MTA1: variants seen among roughly 807,000 people sequenced by gnomAD.
MTA1 encodes the protein metastasis-associated protein MTA1.
MTA1 carries 15 observed loss-of-function variants against 97.0 expected under a neutral mutation model. The observed-to-expected ratio is 0.15, with a 90% confidence interval of 0.10 to 0.24. MTA1 has a LOEUF of 0.24. Among genes scored for constraint, MTA1 ranks in the 10% least tolerant of loss-of-function variants. The probability of loss-of-function intolerance (pLI) is 1.00; values close to 1 mark genes in which losing one functional copy is unlikely to be tolerated. For missense variants in MTA1, 709 were observed against 1,015.1 expected, an observed-to-expected ratio of 0.70 and a Z score of 4.10; for synonymous variants, 435 against 417.5, an observed-to-expected ratio of 1.04 and a Z score of -0.51.
chr14:105,422,153 C>T lies in MTA1; in HGVS notation c.28+2090C>T, dbSNP rs1370534774. Among the ~76,000 whole-genome samples the T allele has an allele frequency of 5.9e-5, 9 of 152,192 alleles. No individual in the cohort carries two copies. The highest frequency in any genetic ancestry group is 1.2e-4 in the African/African-American group (5 of 41,454). ...TGCCCGCCCCGAGGACTTCCTCTCC[C>T]TGCAGGTGAGACTGTAGGCCTCCCC... On this transcript the variant is annotated intron_variant, in intron 1 of 20. Coordinates refer to ENST00000331320, the MANE Select transcript of MTA1 (RefSeq NM_004689.4). The surrounding 1 kb of genome is among the most constrained non-coding windows in gnomAD (Gnocchi z 4.3).
chr14:105,469,014 C>T (rs782063949), intron 18 of MTA1: 12 of 356,180 alleles, frequency 3.4e-5, no homozygotes, highest in Non-Finnish European at 5.1e-5. Flanking sequence ...TGTTTCTGGC[C>T]GGGGCTGGCG....
chr14:105,437,196 C>T (rs1185356774), intron 1 of MTA1, among the ~76,000 whole-genome samples: 5 of 152,242 alleles, frequency 3.3e-5, no homozygotes, highest in Admixed American at 6.5e-5. Context: ...CAAACAGGTG[C>T]GTCCTCCCAG....
intron 1 of MTA1, among the ~76,000 whole-genome samples, chr14:105,437,779 C>A (rs1279609696): frequency 6.6e-6 from 1 of 152,208 alleles, no homozygotes; most frequent in Non-Finnish European, 1.5e-5. Flanking sequence ...GCTCGTGGTG[C>A]TGGTTCGTGA....
At position 105,454,318 on chromosome 14, in the gene MTA1, G is replaced by A. The variant is rs2083059166; in HGVS notation, c.550+8G>A. On this transcript the variant is annotated splice_region_variant and intron_variant, in intron 7 of 20. Coordinates refer to ENST00000331320, the MANE Select transcript of MTA1 (RefSeq NM_004689.4). Reference sequence around the variant, plus strand: ...CCGACTTGTTAAAAGAAGGTAGGGTGGGCCGCCCTGGGCATGGAGCCCTCT... The same window carrying A: ...CCGACTTGTTAAAAGAAGGTAGGGTAGGCCGCCCTGGGCATGGAGCCCTCT... The A allele has an allele frequency of 1.3e-6, 2 of 1,594,752 alleles. No individual in the cohort carries two copies. The highest frequency in any genetic ancestry group is 1.3e-5 in the African/African-American group (1 of 74,542).
intron 1 of MTA1, among the ~76,000 whole-genome samples, chr14:105,434,849 T>G (rs1555424079): frequency 6.6e-6 from 1 of 152,238 alleles, no homozygotes; most frequent in Non-Finnish European, 1.5e-5. Context: ...TGCAAAACTC[T>G]TACTCAGCAG....
intron 1 of MTA1, among the ~76,000 whole-genome samples, chr14:105,434,585 G>A (rs1379362181): frequency 3.5e-5 from 5 of 144,274 alleles, no homozygotes; most frequent in Non-Finnish European, 7.5e-5. Flanking sequence ...CGCAACCTCC[G>A]CCTCCCGGGT....
chr14:105,457,190 G>A (rs764916744), intron 7 of MTA1, among the ~76,000 whole-genome samples: 1 of 152,210 alleles, frequency 6.6e-6, no homozygotes, highest in African/African-American at 2.4e-5. Context: ...GCGGCTGAGA[G>A]GTGGACAGAG....
intron 10 of MTA1, 24 bp downstream of exon 10, chr14:105,460,977 G>A: frequency 6.3e-7 from 1 of 1,593,600 alleles, no homozygotes; most frequent in Non-Finnish European, 8.5e-7. Context: ...GTGGCGATGG[G>A]GGAGTGGCTG....
chr14:105,424,587 C>T lies in MTA1; in HGVS notation c.28+4524C>T, dbSNP rs1401216988. 6.6e-6 allele frequency among the ~76,000 whole-genome samples: 1 copy of T among 152,020 alleles called. No individual in the cohort carries two copies. The highest frequency in any genetic ancestry group is 1.5e-5 in the Non-Finnish European group (1 of 68,004). The stretch of plus-strand genomic sequence containing the variant: ...CGCGGCTCACTGCAACCTCCGCCTC[C>T]TGGGTTCTAGTGATTTGCCTGCCTC... On this transcript the variant is annotated intron_variant, in intron 1 of 20. Transcript: ENST00000331320. This position sits in a 1 kb window ranked among gnomAD's most constrained non-coding sequence, Gnocchi z 4.0.
chr14:105,428,982 C>T (rs1555422809), intron 1 of MTA1, among the ~76,000 whole-genome samples: 1 of 152,220 alleles, frequency 6.6e-6, no homozygotes, highest in African/African-American at 2.4e-5. Flanking sequence ...GCCTTGACTC[C>T]CAAAATGCTG....
At chr14:105,468,298 A>C in intron 18 of MTA1, 1 of 1,304,064 alleles carries the variant, frequency 7.7e-7, no homozygotes, top group Non-Finnish European at 1.0e-6. Flanking sequence ...ACTAACCTAA[A>C]GCATGTGTTT....
intron 2 of MTA1, among the ~76,000 whole-genome samples, chr14:105,443,790 T>A (rs2082621820): frequency 6.6e-6 from 1 of 152,160 alleles, no homozygotes; most frequent in South Asian, 2.1e-4. Context: ...CTACAAAAAA[T>A]TTAAAAATTA....
At chr14:105,437,136 C>T (rs1270046137) in intron 1 of MTA1, among the ~76,000 whole-genome samples, 4 of 152,252 alleles carry the variant, frequency 2.6e-5, no homozygotes, top group South Asian at 2.1e-4. Context: ...TCAGGCAGCA[C>T]GGGGGGCTCA....
chr14:105,450,010 G>C, intron 4 of MTA1, 48 bp from the exon 5 acceptor site: 2 of 1,611,848 alleles, frequency 1.2e-6, no homozygotes, highest in Non-Finnish European at 1.7e-6. Flanking sequence ...GCCTTGGTCT[G>C]GCAGTGTGCG....
intron 7 of MTA1, chr14:105,454,514 GT>G: frequency 2.0e-6 from 1 of 508,384 alleles, no homozygotes; most frequent in Non-Finnish European, 3.6e-6. Flanking sequence ...TCCTGGTGGT[GT>G]TGGGGTTCTG....
chr14:105,452,673 C>A (rs2082989427), intron 6 of MTA1, among the ~76,000 whole-genome samples: 1 of 152,124 alleles, frequency 6.6e-6, no homozygotes, highest in African/African-American at 2.4e-5. Flanking sequence ...TAGAGCAAGA[C>A]CCTATCTCCA....
At chr14:105,445,641 G>A (rs1555426956) in intron 3 of MTA1, 130 bp downstream of exon 3, 2 of 952,040 alleles carry the variant, frequency 2.1e-6, no homozygotes, top group Non-Finnish European at 1.7e-6. Context: ...AACTCACTCT[G>A]GCGTCTCTTT....
chr14:105,445,726 C>T, intron 3 of MTA1: 1 of 674,364 alleles, frequency 1.5e-6, no homozygotes, highest in Non-Finnish European at 2.8e-6. Context: ...TCCTCGCACG[C>T]CCCCCGGAGT....
At chr14:105,454,533 C>T in intron 7 of MTA1, 1 of 496,722 alleles carries the variant, frequency 2.0e-6, no homozygotes, top group Non-Finnish European at 3.7e-6. Flanking sequence ...CTGGGGAAGC[C>T]TCAGACCCTC....
Sources: gnomAD v4.1 joint callset for allele counts (sites outside exome capture counted in the v4.1 genomes callset) on GRCh38, gnomAD v4.1.1 for gene constraint, Gnocchi (gnomAD v3.1) non-coding constraint, MANE v1.5 for transcripts, NCBI Gene and HGNC (gene_info 2026-07-23, HGNC 2026-07-21) for gene names.